SVEP1: variants seen among roughly 807,000 people sequenced by gnomAD.
SVEP1 encodes the protein sushi, von Willebrand factor type A, EGF and pentraxin domain containing 1.
A neutral mutation model predicts 367.3 loss-of-function variants in SVEP1; 164 were observed. The observed-to-expected ratio is 0.45, with a 90% CI of 0.39 to 0.51. The LOEUF is 0.51. SVEP1 is among the 20% of genes least tolerant of loss of function. SVEP1 has a pLI of 0.00. For missense variants in SVEP1, 4,117 were observed against 4,425.3 expected (o/e 0.93, Z 1.98); for synonymous variants, 1,666 against 1,611.6 (o/e 1.03, Z -0.81).
Position 110,387,296 on chromosome 9 carries a change from G to A in SVEP1, c.10049C>T (p.Pro3350Leu), listed in dbSNP as rs768933750. The A allele has an allele frequency of 1.3e-6, 2 of 1,590,402 alleles. No individual in the cohort carries two copies. Among genetic ancestry groups the A allele is most frequent in the African/African-American group, 1.4e-5 (1 of 73,352 alleles). Residue 3350 changes from proline (P) to leucine (L), a missense_variant, in exon 42 of 48, where the codon CCT (proline) becomes CTT (leucine). Physicochemically the swap from Pro to Leu is moderately conservative, Grantham distance 98. Coordinates refer to ENST00000374469, the MANE Select transcript of SVEP1 (RefSeq NM_153366.4). ...AAGGCAACACACACGTTTGCAGAGA[G>A]GGACTGGGTGGCTCCAGGTTCCATT... The part of the protein sequence containing the change: ...TENGTWSHPV[P>L]LCKPNPCPVP...
At chr9:110,395,387 A>G (rs12126732) in intron 40 of SVEP1, among the ~76,000 whole-genome samples, 2 of 152,224 alleles carry the variant, frequency 1.3e-5, no homozygotes, top group Non-Finnish European at 2.9e-5. Context: ...AGTACCACCC[A>G]CTGCAAAAAC....
intron 36 of SVEP1, 116 bp downstream of exon 36, chr9:110,427,475 C>T: frequency 7.9e-7 from 1 of 1,267,606 alleles, no homozygotes; most frequent in Admixed American, 2.3e-5. Flanking sequence ...ATAAGGCTCT[C>T]TTTGTCTTTG....
chr9:110,561,190 T>G (rs958888308), intron 1 of SVEP1, among the ~76,000 whole-genome samples: 11 of 152,138 alleles, frequency 7.2e-5, no homozygotes, highest in Non-Finnish European at 1.0e-4. Context: ...TTGCTCTGCT[T>G]GGAAATTCTT....
intron 9 of SVEP1, among the ~76,000 whole-genome samples, chr9:110,486,637 T>TTCTC (rs1187661748): frequency 4.9e-5 from 7 of 141,796 alleles, no homozygotes; most frequent in African/African-American, 1.9e-4. Context: ...TTCCTTCTCT[T>TTCTC]TCTCTCTCTC....
At position 110,406,923 on chromosome 9, in the gene SVEP1, T is replaced by A; in HGVS notation, c.8677A>T (p.Thr2893Ser). 1 of 1,576,090 alleles carries A rather than the reference T, an allele frequency of 6.3e-7. No individual in the cohort carries two copies. Among genetic ancestry groups the A allele is most frequent in the South Asian group, 1.2e-5 (1 of 84,594 alleles). The change falls in exon 38 of 48, where the codon ACC becomes TCC. Residue 2893 changes from threonine to serine, a missense_variant. Coordinates refer to ENST00000374469, the MANE Select transcript of SVEP1 (RefSeq NM_153366.4). ...TPDCVPVRCA[T>S]PPQLANGVTE... ...ACCCCATTGGCCAGTTGTGGCGGGG[T>A]GGCACATCTGACAGGCACACAGTCG...
intron 8 of SVEP1, among the ~76,000 whole-genome samples, chr9:110,495,876 T>G (rs1324308269): frequency 6.6e-6 from 1 of 152,180 alleles, no homozygotes; most frequent in African/African-American, 2.4e-5. Context: ...GTGCTATCTC[T>G]TTCTGACTGA....
intron 10 of SVEP1, among the ~76,000 whole-genome samples, chr9:110,483,204 TTTTA>T (rs1829222445): frequency 6.6e-6 from 1 of 152,336 alleles, no homozygotes; most frequent in African/African-American, 2.4e-5. Flanking sequence ...CCTTTTATAA[TTTTA>T]TTTGTCAAGT....
At chr9:110,550,702 G>C (rs1830275500) in intron 1 of SVEP1, among the ~76,000 whole-genome samples, 1 of 151,986 alleles carries the variant, frequency 6.6e-6, no homozygotes, top group African/African-American at 2.4e-5. Flanking sequence ...CATCTTTTTG[G>C]ACCACCCGGT....
intron 1 of SVEP1, among the ~76,000 whole-genome samples, chr9:110,572,083 C>A (rs554628327): frequency 6.6e-6 from 1 of 150,552 alleles, no homozygotes; most frequent in African/African-American, 2.5e-5. Context: ...GCTTTTGATA[C>A]CTACCTCCAA....
At chr9:110,378,284 T>C (rs1353099461) in intron 44 of SVEP1, among the ~76,000 whole-genome samples, 1 of 152,248 alleles carries the variant, frequency 6.6e-6, no homozygotes, top group Admixed American at 6.5e-5. Flanking sequence ...CAAAAGGCTC[T>C]ACATTCTCTT....
chr9:110,492,899 G>A (rs1409300877), intron 8 of SVEP1, among the ~76,000 whole-genome samples: 4 of 152,040 alleles, frequency 2.6e-5, no homozygotes, highest in Non-Finnish European at 5.9e-5. Context: ...TGGAGTTTAG[G>A]GGCACATATG....
At chr9:110,394,591 T>C (rs1276582058) in intron 40 of SVEP1, among the ~76,000 whole-genome samples, 1 of 151,952 alleles carries the variant, frequency 6.6e-6, no homozygotes, top group Non-Finnish European at 1.5e-5. Context: ...GGCAAAGAAG[T>C]TAACAACTTT....
chr9:110,407,124 G>A lies in SVEP1; in HGVS notation c.8476C>T (p.Pro2826Ser), dbSNP rs1364336661. The A allele has an allele frequency of 6.2e-7, 1 of 1,613,956 alleles. No individual in the cohort carries two copies. Residue 2826 changes from proline (P) to serine (S), a missense_variant, in exon 38 of 48, where the codon CCC (proline) becomes TCC (serine). By Grantham distance (74) the Pro-to-Ser change is moderately conservative. Transcript: ENST00000374469. Reference sequence around the variant, plus strand: ...CTGCAGTCCACAGGAATGCAAATGGGCTCATCCTCATCCCAGTTTTTGTCA... The same window carrying A: ...CTGCAGTCCACAGGAATGCAAATGGACTCATCCTCATCCCAGTTTTTGTCA... ...QDDKNWDEDE[P>S]ICIPVDCSSP...
At chr9:110,517,983 T>C (rs552076887) in intron 3 of SVEP1, among the ~76,000 whole-genome samples, 2 of 152,064 alleles carry the variant, frequency 1.3e-5, no homozygotes, top group Non-Finnish European at 2.9e-5. Flanking sequence ...ATTTAATATA[T>C]GAGACTTGAA....
In SVEP1 at chr9:110,445,963, G is replaced by A. The variant is rs1396829279; in HGVS notation, c.4337C>T (p.Pro1446Leu). The A allele has an allele frequency of 6.2e-7, 1 of 1,613,840 alleles. No homozygotes were observed. The highest frequency in any genetic ancestry group is 1.1e-5 in the South Asian group (1 of 91,064). ...YGYVMLDGML[P>L]SLHALTCTFW... ...GGTACAGGTTAGAGCATGGAGAGAT[G>A]GGAGCATGCCATCTAGCATGACATA... Residue 1446 changes from proline (P) to leucine (L), a missense_variant, in exon 26 of 48, where the codon CCA becomes CTA. By Grantham distance (98) the Pro-to-Leu change is moderately conservative. Coordinates refer to ENST00000374469, the MANE Select transcript of SVEP1 (RefSeq NM_153366.4).
In SVEP1 at chr9:110,383,817, C is replaced by T. The variant is rs543921264; in HGVS notation, c.10237+2081G>A. ...CCCTGGCTGGAGTTGCTGAAATTCCCGCAGGGAGGTCCTGCTTAGCGAGGA... is the reference window on the plus strand; with the variant it reads ...CCCTGGCTGGAGTTGCTGAAATTCCTGCAGGGAGGTCCTGCTTAGCGAGGA... On this transcript the variant is annotated intron_variant, in intron 43 of 47. Coordinates refer to ENST00000374469, the MANE Select transcript of SVEP1 (RefSeq NM_153366.4). Among the ~76,000 whole-genome samples, 34 of 151,918 alleles carry T rather than the reference C, an allele frequency of 2.2e-4. 1 individual carries two copies. Among genetic ancestry groups the T allele is most frequent in the Admixed American group, 1.5e-3 (23 of 15,262 alleles).
chr9:110,388,348 T>C (rs955851329), intron 41 of SVEP1, among the ~76,000 whole-genome samples: 3 of 152,092 alleles, frequency 2.0e-5, no homozygotes, highest in African/African-American at 7.2e-5. Context: ...TTCAAGAATC[T>C]CAAAAAATGG....
chr9:110,386,822 G>T (rs1827531342), intron 42 of SVEP1, among the ~76,000 whole-genome samples: 1 of 152,244 alleles, frequency 6.6e-6, no homozygotes, highest in South Asian at 2.1e-4. Flanking sequence ...AACAAGAGCA[G>T]TCTCAACTTC....
chr9:110,409,065 G>T, intron 37 of SVEP1, 114 bp from the exon 38 acceptor site: 1 of 1,143,682 alleles, frequency 8.7e-7, no homozygotes, highest in Non-Finnish European at 1.2e-6. Context: ...GAATCAATTA[G>T]GAAGTAAGCA....
Sources: gnomAD v4.1 joint callset for allele counts (sites outside exome capture counted in the v4.1 genomes callset) on GRCh38, gnomAD v4.1.1 for gene constraint, MANE v1.5 for transcripts, NCBI Gene and HGNC (gene_info 2026-07-23, HGNC 2026-07-21) for gene names.